The following RS1 variants were observed in gnomAD, a reference collection of about 807,000 sequenced individuals.
The protein encoded by RS1 is retinoschisin 1.
RS1 carries 2 observed loss-of-function variants against 20.8 expected under a neutral mutation model. That is an observed-to-expected ratio of 0.10 (90% CI 0.04 to 0.30). The LOEUF is 0.30. RS1 is among the 10% of genes least tolerant of loss of function. The pLI, the probability that RS1 is intolerant of heterozygous loss-of-function variation, is 1.00. For synonymous variants in RS1, 70 were observed against 75.8 expected (o/e 0.92, Z 0.40); for missense variants, 151 against 189.8 (o/e 0.80, Z 1.20).
chrX:18,651,220 A>AGTGTGTGT (rs3838188), intron 3 of RS1, among the ~76,000 whole-genome samples: 23 of 65,187 alleles, frequency 3.5e-4, no homozygotes, highest in East Asian at 4.8e-4. Context: ...GGCAGGAGCA[A>AGTGTGTGT]GTGTGTGTGT....
At chrX:18,651,258 TGTGTGTGA>T (rs1436091285) in intron 3 of RS1, among the ~76,000 whole-genome samples, 10 of 97,186 alleles carry the variant, frequency 1.0e-4, no homozygotes, top group African/African-American at 2.9e-4. Context: ...TGTGTGTGTG[TGTGTGTGA>T]GAGAGAGAGA....
rs1235987618 is a variant in RS1, at chrX:18,641,868, A to T, written c.*136T>A. 4 of 626,468 alleles carry T rather than the reference A, an allele frequency of 6.4e-6. No homozygotes were observed. In the African/African-American group the frequency reaches 9.1e-5, roughly 14 times the overall value. The allele number at this position is 626,468 out of a possible 1,213,427, so 51.6% of individuals were successfully genotyped here. A position where few individuals can be genotyped will look rare whatever the true frequency, so the allele number is the denominator to read the frequency against. On this transcript the variant is annotated 3_prime_UTR_variant, in exon 6 of 6. Coordinates refer to ENST00000379984, the MANE Select transcript of RS1 (RefSeq NM_000330.4). Reference sequence around the variant, plus strand: ...AGAAAGCTATATCTTAAAAAAAAAAAAATTATCTACCCAGCACTGCAGTTA... The same window carrying T: ...AGAAAGCTATATCTTAAAAAAAAAATAATTATCTACCCAGCACTGCAGTTA...
At chrX:18,656,188 CACCATGTT>C (rs1463107465) in intron 3 of RS1, among the ~76,000 whole-genome samples, 3 of 110,086 alleles carry the variant, frequency 2.7e-5, no homozygotes, top group African/African-American at 9.9e-5. Flanking sequence ...GACAAGGTTT[CACCATGTT>C]GCCCAGGAGA....
At chrX:18,665,015 G>A (rs1928381070) in intron 1 of RS1, among the ~76,000 whole-genome samples, 1 of 112,137 alleles carries the variant, frequency 8.9e-6, no homozygotes, top group African/African-American at 3.2e-5. Flanking sequence ...CCTGCACCTG[G>A]CCTCTTTTCT....
intron 1 of RS1, among the ~76,000 whole-genome samples, chrX:18,667,949 G>GTC (rs1928431142): frequency 9.0e-6 from 1 of 111,668 alleles, no homozygotes. Flanking sequence ...GGCTGCTGCA[G>GTC]TCCCACACAA....
intron 4 of RS1, among the ~76,000 whole-genome samples, chrX:18,645,726 C>T (rs1183451781): frequency 9.0e-6 from 1 of 111,154 alleles, no homozygotes; most frequent in Non-Finnish European, 1.9e-5. Flanking sequence ...AATGTGCTTG[C>T]GATACTCTTC....
intron 3 of RS1, among the ~76,000 whole-genome samples, chrX:18,649,642 A>G (rs926242556): frequency 8.9e-6 from 1 of 111,833 alleles, no homozygotes; most frequent in African/African-American, 3.2e-5. Flanking sequence ...GTACTCAAGT[A>G]CTCAAGAATG....
chrX:18,644,522 T>C lies in RS1; in HGVS notation c.430A>G (p.Ile144Val). The change falls in exon 5 of 6, where the codon ATC becomes GTC. Residue 144 changes from isoleucine to valine, a missense_variant. Physicochemically the swap from Ile to Val is conservative, Grantham distance 29. Transcript: ENST00000379984. Reference sequence around the variant, plus strand: ...CTGTACTTGGTCATCCACTCATCGATGTCACAGCGCCCCTGGGTGAGGATC... The same window carrying C: ...CTGTACTTGGTCATCCACTCATCGACGTCACAGCGCCCCTGGGTGAGGATC... ...SGILTQGRCD[I>V]DEWMTKYSVQ... 1 of 1,211,506 alleles carries C rather than the reference T, an allele frequency of 8.3e-7. No homozygotes were observed. The highest frequency in any genetic ancestry group is 1.1e-6 in the Non-Finnish European group (1 of 895,132).
intron 1 of RS1, among the ~76,000 whole-genome samples, chrX:18,662,038 C>G (rs1383889001): frequency 1.8e-5 from 2 of 112,099 alleles, no homozygotes; most frequent in Non-Finnish European, 3.8e-5. Flanking sequence ...CGCTGCCCCC[C>G]TCCAGTATCA....
At chrX:18,666,191 G>A (rs1367493586) in intron 1 of RS1, among the ~76,000 whole-genome samples, 2 of 111,624 alleles carry the variant, frequency 1.8e-5, no homozygotes, top group African/African-American at 3.3e-5. Flanking sequence ...ATACATTAAT[G>A]AACTAATGAA....
chrX:18,648,836 T>G (rs966301669), intron 3 of RS1, among the ~76,000 whole-genome samples: 2 of 110,295 alleles, frequency 1.8e-5, no homozygotes, highest in South Asian at 3.9e-4. Context: ...ATGCCTGTAA[T>G]CCCAGTGCTT....
chrX:18,671,145 C>T (rs886810176), intron 1 of RS1, among the ~76,000 whole-genome samples: 1 of 111,806 alleles, frequency 8.9e-6, no homozygotes, highest in Non-Finnish European at 1.9e-5. Context: ...GTGTGAGTTT[C>T]GCTGTGTCTG....
In RS1 at chrX:18,641,724, A is replaced by G; in HGVS notation, c.*280T>C. The G allele has an allele frequency of 2.8e-6, 1 of 357,284 alleles. No individual in the cohort carries two copies. The highest frequency in any genetic ancestry group is 4.9e-6 in the Non-Finnish European group (1 of 202,254). 29.4% of individuals were successfully genotyped at this position (357,284 alleles called of 1,213,427 possible). A position where few individuals can be genotyped will look rare whatever the true frequency, so the allele number is the denominator to read the frequency against. On this transcript the variant is annotated 3_prime_UTR_variant, in exon 6 of 6. Transcript: ENST00000379984. ...AGTATCACTGAGACAAAAAATGAGC[A>G]GAAAATTACCCCTGCTACTTAGGCT...
chrX:18,654,314 C>T (rs1467659049), intron 3 of RS1, among the ~76,000 whole-genome samples: 1 of 110,336 alleles, frequency 9.1e-6, no homozygotes, highest in Non-Finnish European at 1.9e-5. Flanking sequence ...GCCACCGTGC[C>T]CCCCCCATCT....
At chrX:18,657,217 C>CTTTTTTTTTTTTTTTTTT (rs749358875) in intron 2 of RS1, among the ~76,000 whole-genome samples, 1 of 65,138 alleles carries the variant, frequency 1.5e-5, no homozygotes, top group Non-Finnish European at 2.7e-5. Context: ...AAAAAAAATA[C>CTTTTTTTTTTTTTTTTTT]TTTTTTTTTT....
At chrX:18,668,751 T>C (rs767645790) in intron 1 of RS1, among the ~76,000 whole-genome samples, 1 of 112,186 alleles carries the variant, frequency 8.9e-6, no homozygotes, top group African/African-American at 3.2e-5. Context: ...GCTGTGTGAC[T>C]CCATTGAAAT....
intron 3 of RS1, among the ~76,000 whole-genome samples, chrX:18,652,897 G>A (rs1406113362): frequency 1.8e-5 from 2 of 112,602 alleles, no homozygotes; most frequent in Admixed American, 1.9e-4. Context: ...CCAAGGCTGT[G>A]TATATTTCAT....
chrX:18,646,859 C>T (rs1424553969), intron 4 of RS1, among the ~76,000 whole-genome samples: 2 of 111,963 alleles, frequency 1.8e-5, no homozygotes, highest in Non-Finnish European at 3.8e-5. Flanking sequence ...TTTCTTCCTT[C>T]ATCTCTCCCC....
At chrX:18,647,393 A>G (rs1260335914) in intron 3 of RS1, 61 bp from the exon 4 acceptor site, 2 of 1,152,526 alleles carry the variant, frequency 1.7e-6, no homozygotes, top group African/African-American at 3.6e-5. Context: ...GCACCAGGTG[A>G]CTGAAATAAC....
Sources: gnomAD v4.1 joint callset for allele counts (sites outside exome capture counted in the v4.1 genomes callset) on GRCh38, gnomAD v4.1.1 for gene constraint, MANE v1.5 for transcripts, NCBI Gene and HGNC (gene_info 2026-07-23, HGNC 2026-07-21) for gene names.